Variants in PDZD9 observed in about 807,000 individuals in gnomAD.
The protein encoded by PDZD9 is PDZ domain-containing protein 9.
A neutral mutation model predicts 16.3 loss-of-function variants in PDZD9; 13 were observed. The observed-to-expected ratio is 0.80, with a 90% confidence interval of 0.52 to 1.27. PDZD9 has a LOEUF of 1.27. Among genes scored for constraint, PDZD9 ranks in the 50% most tolerant of loss-of-function variants. The pLI is 0.00. For missense variants in PDZD9, 288 were observed against 310.9 expected, an observed-to-expected ratio of 0.93 and a Z score of 0.55; for synonymous variants, 120 against 111.0, an observed-to-expected ratio of 1.08 and a Z score of -0.51.
the PDZD9 span, among the ~76,000 whole-genome samples, chr16:21,969,528 T>A: frequency 1.3e-5 from 2 of 152,090 alleles, no homozygotes; most frequent in Non-Finnish European, 2.9e-5. Flanking sequence ...TGAGACTCTG[T>A]CTCAAAAAAA....
intron 2 of PDZD9, among the ~76,000 whole-genome samples, chr16:21,994,502 A>C (rs1899098124): frequency 6.6e-6 from 1 of 152,250 alleles, no homozygotes; most frequent in African/African-American, 2.4e-5. Flanking sequence ...CACGAGGAGC[A>C]GGGCAGTATT....
downstream of PDZD9, chr16:21,983,025 C>T (rs879083443): frequency 8.6e-5 from 119 of 1,386,364 alleles, no homozygotes; most frequent in South Asian, 1.5e-4. Context: ...AAAATAAGTT[C>T]GCCTGCTTGA....
At chr16:21,980,789 G>C (rs527565120), downstream of PDZD9, 19 of 1,487,528 alleles carry the variant, frequency 1.3e-5, no homozygotes, top group East Asian at 4.3e-4. Context: ...TCCTTGGGCA[G>C]TGTATTATTC....
the PDZD9 span, chr16:21,976,896 T>C: frequency 6.6e-6 from 1 of 152,228 alleles, no homozygotes; most frequent in South Asian, 2.1e-4. Flanking sequence ...TTCATTGGTG[T>C]GTCAAAATAC....
chr16:21,964,830 T>C, the PDZD9 span, among the ~76,000 whole-genome samples: 1 of 152,204 alleles, frequency 6.6e-6, no homozygotes, highest in Admixed American at 6.5e-5. Context: ...TTCTAGCACC[T>C]AGCACAGTGC....
At chr16:21,976,654 G>A in the PDZD9 span, 3,594 of 155,682 alleles carry the variant, frequency 0.023, 143 homozygotes, top group African/African-American at 0.081. Context: ...TGAGAAATGC[G>A]CATATCGAAA....
At chr16:21,975,853 G>A in the PDZD9 span, among the ~76,000 whole-genome samples, 7 of 152,182 alleles carry the variant, frequency 4.6e-5, no homozygotes, top group Admixed American at 3.9e-4. Flanking sequence ...CACTTTGGGA[G>A]GTTAAGGTGG....
the PDZD9 span, among the ~76,000 whole-genome samples, chr16:21,972,998 G>A: frequency 6.6e-6 from 1 of 152,186 alleles, no homozygotes; most frequent in African/African-American, 2.4e-5. Context: ...TACTTGGGAG[G>A]CTGAGGCAGA....
At chr16:21,971,849 A>G in the PDZD9 span, 16 of 1,595,186 alleles carry the variant, frequency 1.0e-5, no homozygotes, top group Non-Finnish European at 1.4e-5. Context: ...ACTGTGTTGT[A>G]GGAAATACTG....
In PDZD9 at chr16:21,984,602, CA is replaced by C. The variant is rs766335923; in HGVS notation, c.459del (p.Asn153LysfsTer4). ...AGTCTTTTATCTAAATCTACATTTT[CA>C]TTATCATCACTGCTTGTGAAAGATT... is the stretch of plus-strand genomic sequence containing the variant. ...KDESFTSSDD[N>X]ENVDLDKRLQ... On this transcript the variant is annotated frameshift_variant, in exon 4 of 4. Coordinates refer to ENST00000424898, the MANE Select transcript of PDZD9 (RefSeq NM_001363519.1). LOFTEE classifies it low-confidence loss of function (END_TRUNC). 4,626 of 1,546,102 alleles carry C rather than the reference CA, an allele frequency of 3.0e-3. 14 individuals are homozygous for C. Among genetic ancestry groups the C allele is most frequent in the Non-Finnish European group, 3.7e-3 (4,195 of 1,143,726 alleles).
At chr16:21,971,370 G>A in the PDZD9 span, among the ~76,000 whole-genome samples, 4 of 152,154 alleles carry the variant, frequency 2.6e-5, no homozygotes, top group Admixed American at 2.0e-4. Flanking sequence ...CTGTAATTGG[G>A]TATCTCTGGG....
intron 1 of PDZD9, among the ~76,000 whole-genome samples, chr16:21,998,035 T>C (rs551008338): frequency 6.6e-6 from 1 of 152,254 alleles, no homozygotes; most frequent in South Asian, 2.1e-4. Flanking sequence ...AAACCACAGA[T>C]GCTCTCTGTT....
At chr16:21,988,518 A>G (rs1898937927) in intron 3 of PDZD9, 84 bp downstream of exon 3, 1 of 1,132,502 alleles carries the variant, frequency 8.8e-7, no homozygotes, top group African/African-American at 1.6e-5. Context: ...TTATCATTTG[A>G]TAATTGTCAC....
chr16:21,991,934 T>C (rs1014025150), intron 2 of PDZD9, among the ~76,000 whole-genome samples: 10 of 152,192 alleles, frequency 6.6e-5, no homozygotes, highest in African/African-American at 1.9e-4. Context: ...GTATGGGCTT[T>C]CTAGGCACAC....
At chr16:21,974,606 G>T in the PDZD9 span, among the ~76,000 whole-genome samples, 4 of 152,302 alleles carry the variant, frequency 2.6e-5, no homozygotes, top group Non-Finnish European at 2.9e-5. Context: ...AATGTGTAGT[G>T]ATTAAGGAAT....
the PDZD9 span, among the ~76,000 whole-genome samples, chr16:21,967,594 C>G: frequency 6.6e-6 from 1 of 152,060 alleles, no homozygotes; most frequent in African/African-American, 2.4e-5. Context: ...CTTCAGATCG[C>G]CTGAGTGGTT....
chr16:21,985,662 GAT>G, intron 3 of PDZD9, among the ~76,000 whole-genome samples: 1 of 152,158 alleles, frequency 6.6e-6, no homozygotes, highest in Non-Finnish European at 1.5e-5. Flanking sequence ...AGATCTTTGT[GAT>G]TACAAATCTC....
chr16:21,974,420 CAGAA>C, the PDZD9 span, among the ~76,000 whole-genome samples: 600 of 152,040 alleles, frequency 3.9e-3, 1 homozygote, highest in African/African-American at 0.013. Context: ...CCCAGGTAAA[CAGAA>C]AGAAAAAGAG....
At chr16:21,961,668 A>ATTTT in the PDZD9 span, among the ~76,000 whole-genome samples, 1 of 116,044 alleles carries the variant, frequency 8.6e-6, no homozygotes, top group Admixed American at 9.0e-5. Context: ...ATATATATAT[A>ATTTT]TTTTAGACAG....
Sources: gnomAD v4.1 joint callset for allele counts (sites outside exome capture counted in the v4.1 genomes callset) on GRCh38, gnomAD v4.1.1 for gene constraint, MANE v1.5 for transcripts, NCBI Gene and HGNC (gene_info 2026-07-23, HGNC 2026-07-21) for gene names.